ACLY: variants seen among roughly 807,000 people sequenced by gnomAD.
ACLY encodes the protein ATP-citrate synthase.
In ACLY, 41 loss-of-function variants were observed where a neutral mutation model predicts 133.0. That is an observed-to-expected ratio of 0.31 (90% CI 0.24 to 0.40). ACLY has a LOEUF of 0.40. Among genes scored for constraint, ACLY ranks in the 10% least tolerant of loss-of-function variants. ACLY has a pLI of 1.00. For synonymous variants in ACLY, 495 were observed against 549.3 expected (o/e 0.90, Z 1.38); for missense variants, 1,046 against 1,453.8 (o/e 0.72, Z 4.56).
At position 41,903,743 on chromosome 17, in the gene ACLY, G is replaced by A. The variant is rs772941376; in HGVS notation, c.1065+986C>T. The stretch of plus-strand genomic sequence containing the variant: ...TGCACGCCAGCCTGGGCAACAGAGC[G>A]AGACTCTGTCTCAAAAAAAAAAAAA... On this transcript the variant is annotated intron_variant, in intron 10 of 28. Coordinates refer to ENST00000352035, the MANE Select transcript of ACLY (RefSeq NM_001096.3). Among the ~76,000 whole-genome samples, 185 of 106,762 alleles carry A rather than the reference G, an allele frequency of 1.7e-3. 2 individuals are homozygous for A. The highest frequency in any genetic ancestry group is 1.4e-3 in the Non-Finnish European group (84 of 58,580). The allele number at this position is 106,762 out of a possible 152,430, so 70.0% of individuals were successfully genotyped here.
chr17:41,896,553 A>G, intron 14 of ACLY, 67 bp downstream of exon 14: 1 of 1,414,574 alleles, frequency 7.1e-7, no homozygotes, highest in Non-Finnish European at 9.6e-7. Flanking sequence ...GAAACAGAGC[A>G]CACAGTAAAA....
chr17:41,911,801 T>G lies in ACLY; in HGVS notation c.282+619A>C, dbSNP rs958962411. 2.6e-5 allele frequency among the ~76,000 whole-genome samples: 4 copies of G among 151,164 alleles called. No homozygotes were observed. In the East Asian group the frequency reaches 7.8e-4, roughly 30 times the overall value. ...ACTGCACTACAGCCTTGAGTGACAG[T>G]GTGAGACCCTGTCTTAAAAAAAAAT... On this transcript the variant is annotated intron_variant, in intron 3 of 28. Coordinates refer to ENST00000352035, the MANE Select transcript of ACLY (RefSeq NM_001096.3).
rs60296550 is a variant in ACLY, at chr17:41,900,069, C to CAAAAAAAAAAAAAAAAAAAAAAAAAAA, written c.1184-1311_1184-1285dup. On this transcript the variant is annotated intron_variant, in intron 11 of 28. Coordinates refer to ENST00000352035, the MANE Select transcript of ACLY (RefSeq NM_001096.3). Reference sequence around the variant, plus strand: ...GGGTGACAGAGTGAGACCCTGTCTCCAAAAAAAAAAAAAAAAAAAAAAAAA... The same window carrying CAAAAAAAAAAAAAAAAAAAAAAAAAAA: ...GGGTGACAGAGTGAGACCCTGTCTCCAAAAAAAAAAAAAAAAAAAAAAAAAAAAAAAAAAAAAAAAAAAAAAAAAAAA... 1.1e-4 allele frequency among the ~76,000 whole-genome samples: 5 copies of CAAAAAAAAAAAAAAAAAAAAAAAAAAA among 46,632 alleles called. 1 individual carries two copies. The highest frequency in any genetic ancestry group is 2.1e-4 in the Non-Finnish European group (5 of 23,822). 30.6% of individuals were successfully genotyped at this position (46,632 alleles called of 152,430 possible). A position where few individuals can be genotyped will look rare whatever the true frequency, so the allele number is the denominator to read the frequency against.
At position 41,886,150 on chromosome 17, in the gene ACLY, C is replaced by T. The variant is rs782512435; in HGVS notation, c.2034G>A (p.Thr678=). ...NELNNIISRT[T]DGVYEGVAIG... Reference sequence around the variant, plus strand: ...TGGCCACGCCCTCATAGACGCCATCCGTGGTCCGAGAGATGATATTGTTGA... The same window carrying T: ...TGGCCACGCCCTCATAGACGCCATCTGTGGTCCGAGAGATGATATTGTTGA... Residue 678 remains threonine, a synonymous_variant, in exon 18 of 29, where the codon ACG becomes ACA. Coordinates refer to ENST00000352035, the MANE Select transcript of ACLY (RefSeq NM_001096.3). 18 of 1,613,978 alleles carry T rather than the reference C, an allele frequency of 1.1e-5. No homozygotes were observed. In the East Asian group the frequency reaches 1.3e-4, roughly 12 times the overall value.
chr17:41,894,528 C>A (rs1410289717), intron 14 of ACLY, among the ~76,000 whole-genome samples: 2 of 151,046 alleles, frequency 1.3e-5, no homozygotes, highest in African/African-American at 4.9e-5. Context: ...TCGAAACCAG[C>A]CACCGCGGCA....
At chr17:41,884,668 T>A (rs1405322053) in intron 18 of ACLY, among the ~76,000 whole-genome samples, 1 of 152,134 alleles carries the variant, frequency 6.6e-6, no homozygotes, top group Non-Finnish European at 1.5e-5. Flanking sequence ...GTGGATCACC[T>A]GAGGTCAGGA....
At chr17:41,913,380 C>T (rs1555633965) in intron 2 of ACLY, among the ~76,000 whole-genome samples, 2 of 152,214 alleles carry the variant, frequency 1.3e-5, no homozygotes, top group African/African-American at 4.8e-5. Flanking sequence ...CTTTACAGCT[C>T]AAAGTGAGTA....
intron 2 of ACLY, among the ~76,000 whole-genome samples, chr17:41,913,293 G>A (rs1339913739): frequency 1.3e-5 from 2 of 152,214 alleles, no homozygotes; most frequent in Admixed American, 6.5e-5. Context: ...CTTAGGGGAG[G>A]AGAGGGCACA....
intron 8 of ACLY, 150 bp from the exon 9 acceptor site, chr17:41,905,808 A>T (rs1334222740): frequency 1.0e-5 from 10 of 954,184 alleles, no homozygotes; most frequent in African/African-American, 1.6e-5. Context: ...TTCCCATGCA[A>T]GTCTGGCCTG....
At chr17:41,918,400 C>T (rs2050112915) in intron 1 of ACLY, among the ~76,000 whole-genome samples, 1 of 152,228 alleles carries the variant, frequency 6.6e-6, no homozygotes, top group Non-Finnish European at 1.5e-5. Context: ...AATTTTGTAC[C>T]CACGGAACCA....
chr17:41,869,689 G>C, intron 25 of ACLY, 102 bp from the exon 26 acceptor site: 1 of 952,186 alleles, frequency 1.1e-6, no homozygotes, highest in South Asian at 1.5e-5. Flanking sequence ...TATCCCAGCG[G>C]CGATTCAGGA....
intron 20 of ACLY, among the ~76,000 whole-genome samples, chr17:41,880,878 A>AC (rs2048895733): frequency 6.6e-6 from 1 of 151,586 alleles, no homozygotes; most frequent in African/African-American, 2.4e-5. Context: ...AAAAAAAAAA[A>AC]CACAAAAACC....
chr17:41,896,180 T>C (rs889354064), intron 14 of ACLY, among the ~76,000 whole-genome samples: 1 of 152,080 alleles, frequency 6.6e-6, no homozygotes, highest in Non-Finnish European at 1.5e-5. Flanking sequence ...CATCAGGAGA[T>C]GTAAATGAGA....
At position 41,869,566 on chromosome 17, in the gene ACLY, C is replaced by T; in HGVS notation, c.2959G>A (p.Val987Met). ...CTGACGTAATCTTTGAGGATCTGCA[C>T]TCGCATGTCTGGGTTGTTTATCTAG... ...VKSINNPDMR[V>M]QILKDYVRQH... The change falls in exon 26 of 29, where the codon GTG becomes ATG. Residue 987 changes from valine to methionine, a missense_variant. By Grantham distance (21) the Val-to-Met change is conservative. This residue lies in a region of ACLY where 205 missense variants were observed against 373.3 expected (regional missense o/e 0.55). Transcript: ENST00000352035. 1 of 1,614,084 alleles carries T rather than the reference C, an allele frequency of 6.2e-7. No homozygotes were observed. The highest frequency in any genetic ancestry group is 8.5e-7 in the Non-Finnish European group (1 of 1,179,990).
chr17:41,878,955 T>C, intron 20 of ACLY, 31 bp from the exon 21 acceptor site: 2 of 1,613,324 alleles, frequency 1.2e-6, no homozygotes, highest in South Asian at 2.2e-5. Context: ...GCTTTACTGC[T>C]AATCCCCCAA....
intron 2 of ACLY, 141 bp downstream of exon 2, chr17:41,913,574 T>C (rs1289698892): frequency 3.8e-5 from 33 of 876,140 alleles, no homozygotes; most frequent in Non-Finnish European, 5.6e-5. Context: ...CAAACCCTGC[T>C]CAGCCCATGG....
chr17:41,873,470 C>T (rs570791635), intron 23 of ACLY, among the ~76,000 whole-genome samples: 1 of 152,224 alleles, frequency 6.6e-6, no homozygotes, highest in African/African-American at 2.4e-5. Context: ...CGTGAGCCAC[C>T]GCGCCTAGCC....
At chr17:41,913,109 G>A (rs2049951611) in intron 2 of ACLY, among the ~76,000 whole-genome samples, 1 of 152,168 alleles carries the variant, frequency 6.6e-6, no homozygotes, top group Admixed American at 6.5e-5. Context: ...ACTAGTCCTA[G>A]GCTTACTCTC....
intron 16 of ACLY, among the ~76,000 whole-genome samples, chr17:41,890,649 T>C (rs1225474999): frequency 2.0e-5 from 3 of 151,604 alleles, no homozygotes; most frequent in Non-Finnish European, 4.4e-5. Context: ...GATTGCACCA[T>C]TGCACTCCAG....
Sources: allele counts gnomAD v4.1 joint callset (sites outside exome capture counted in the v4.1 genomes callset), GRCh38; gene constraint gnomAD v4.1.1; regional missense constraint gnomAD v4.1.1; transcripts MANE v1.5; gene names NCBI Gene and HGNC (gene_info 2026-07-23, HGNC 2026-07-21).